RAP1GDS1: variants seen among roughly 807,000 people sequenced by gnomAD.
The protein encoded by RAP1GDS1 is Rap1 GTPase-GDP dissociation stimulator 1.
RAP1GDS1 carries 35 observed loss-of-function variants against 71.1 expected under a neutral mutation model. That is an observed-to-expected ratio of 0.49 (90% CI 0.38 to 0.65). The LOEUF is 0.65. RAP1GDS1 is among the 30% of genes least tolerant of loss of function. RAP1GDS1 has a pLI of 0.00. For missense variants in RAP1GDS1, 663 were observed against 706.1 expected, an observed-to-expected ratio of 0.94 and a Z score of 0.69; for synonymous variants, 229 against 243.1, an observed-to-expected ratio of 0.94 and a Z score of 0.54.
chr4:98,330,630 C>T (rs557262252), intron 2 of RAP1GDS1, among the ~76,000 whole-genome samples: 7 of 150,330 alleles, frequency 4.7e-5, no homozygotes, highest in South Asian at 2.1e-4. Context: ...GATGGGCGGC[C>T]GGGCAGAGAC....
At chr4:98,305,667 G>A (rs1729207866) in intron 2 of RAP1GDS1, among the ~76,000 whole-genome samples, 3 of 152,222 alleles carry the variant, frequency 2.0e-5, no homozygotes, top group African/African-American at 7.2e-5. Context: ...TTTGCCTTCC[G>A]ATATGCTCTG....
chr4:98,397,665 C>A (rs752929431), intron 6 of RAP1GDS1, among the ~76,000 whole-genome samples: 7 of 152,114 alleles, frequency 4.6e-5, no homozygotes, highest in Non-Finnish European at 8.8e-5. Context: ...TCACAGTCTT[C>A]AAAAGGCTTG....
In RAP1GDS1 at chr4:98,442,746, A is replaced by G. The variant is rs1472907863; in HGVS notation, c.*629A>G. ...AAGACTTTCTGAGGTTTCTGATTCC[A>G]TATTTAATTGACTATTATCAATAGC... On this transcript the variant is annotated 3_prime_UTR_variant, in exon 15 of 15. Transcript: ENST00000408927. 1.3e-5 allele frequency: 3 copies of G among 228,380 alleles called. No homozygotes were observed. Among genetic ancestry groups the G allele is most frequent in the Non-Finnish European group, 2.6e-5 (3 of 114,962 alleles). The allele number at this position is 228,380 out of a possible 1,614,324, so 14.1% of individuals were successfully genotyped here.
intron 2 of RAP1GDS1, among the ~76,000 whole-genome samples, chr4:98,334,450 C>T (rs904833539): frequency 2.0e-5 from 3 of 152,168 alleles, no homozygotes; most frequent in Non-Finnish European, 4.4e-5. Context: ...ATTGAATTTT[C>T]GGTAACAAGT....
At chr4:98,346,095 A>G (rs1234190269) in intron 3 of RAP1GDS1, among the ~76,000 whole-genome samples, 2 of 152,310 alleles carry the variant, frequency 1.3e-5, no homozygotes, top group African/African-American at 2.4e-5. Flanking sequence ...GGGCCCAACC[A>G]TCTGTTTTAA....
intron 12 of RAP1GDS1, among the ~76,000 whole-genome samples, chr4:98,421,954 T>C (rs1253103849): frequency 2.0e-5 from 3 of 151,964 alleles, no homozygotes; most frequent in African/African-American, 7.2e-5. Flanking sequence ...TCCCAGCACT[T>C]TGGGAGACTG....
intron 1 of RAP1GDS1, among the ~76,000 whole-genome samples, chr4:98,289,557 A>G (rs1465829912): frequency 1.3e-4 from 15 of 119,674 alleles, no homozygotes; most frequent in Non-Finnish European, 2.0e-4. Context: ...TGGTAAACAA[A>G]AAAAAAAAAA....
chr4:98,334,690 C>A (rs937635831), intron 2 of RAP1GDS1, among the ~76,000 whole-genome samples: 1 of 152,040 alleles, frequency 6.6e-6, no homozygotes, highest in Admixed American at 6.5e-5. Context: ...GACTATGAAT[C>A]CTTCAGTTAA....
rs184940781 is a variant in RAP1GDS1 at position 98,288,262 on chromosome 4, A to G, written c.5-5146A>G. 5.9e-3 allele frequency among the ~76,000 whole-genome samples: 902 copies of G among 152,166 alleles called. 10 individuals carry two copies. The highest frequency in any genetic ancestry group is 0.021 in the African/African-American group (866 of 41,526). ...TGTTCTCAGTGTTCAGTTCCCACCT[A>G]TGAGTGAGAACATGCGGTGTTTGGT... On this transcript the variant is annotated intron_variant, in intron 1 of 14. Coordinates refer to ENST00000408927, the MANE Select transcript of RAP1GDS1 (RefSeq NM_001100427.2).
At chr4:98,416,722 A>G in intron 7 of RAP1GDS1, 23 bp from the exon 8 acceptor site, 3 of 1,568,934 alleles carry the variant, frequency 1.9e-6, no homozygotes, top group Non-Finnish European at 2.6e-6. Context: ...AAGTTTGATT[A>G]TTTTGTTCAC....
intron 12 of RAP1GDS1, 150 bp downstream of exon 12, chr4:98,421,544 C>G: frequency 2.4e-6 from 2 of 842,278 alleles, no homozygotes; most frequent in Non-Finnish European, 3.2e-6. Flanking sequence ...TTAGCTGATA[C>G]ATGGGATATA....
chr4:98,436,122 G>A (rs892397177), intron 13 of RAP1GDS1, among the ~76,000 whole-genome samples: 23 of 151,874 alleles, frequency 1.5e-4, no homozygotes, highest in African/African-American at 5.6e-4. Context: ...CGAGGTTTAG[G>A]TTAGGGTTCA....
At chr4:98,408,441 A>G (rs543453441) in intron 7 of RAP1GDS1, among the ~76,000 whole-genome samples, 1 of 152,238 alleles carries the variant, frequency 6.6e-6, no homozygotes, top group Middle Eastern at 3.4e-3. Flanking sequence ...CCTGATGCCA[A>G]TATATTTTAA....
Position 98,324,432 on chromosome 4 carries a change from T to C in RAP1GDS1, c.113-18707T>C, listed in dbSNP as rs569940358. 4.0e-5 allele frequency among the ~76,000 whole-genome samples: 6 copies of C among 151,886 alleles called. No homozygotes were observed. In the South Asian group the frequency reaches 1.0e-3, roughly 26 times the overall value. On this transcript the variant is annotated intron_variant, in intron 2 of 14. Coordinates refer to ENST00000408927, the MANE Select transcript of RAP1GDS1 (RefSeq NM_001100427.2). ...TTGGAAAAAACTACTTTAAAGTTCA[T>C]ATGGAACCAAGAAAGAGCCCGCATC...
At chr4:98,292,604 T>C (rs984394911) in intron 1 of RAP1GDS1, among the ~76,000 whole-genome samples, 1 of 152,126 alleles carries the variant, frequency 6.6e-6, no homozygotes, top group Non-Finnish European at 1.5e-5. Context: ...TCTTGCTAAA[T>C]TTTTTTGTTA....
chr4:98,374,541 C>A (rs1322868803), intron 4 of RAP1GDS1, among the ~76,000 whole-genome samples: 1 of 152,014 alleles, frequency 6.6e-6, no homozygotes, highest in Non-Finnish European at 1.5e-5. Flanking sequence ...TGCATCTCAA[C>A]TTTTTATTGC....
chr4:98,391,803 A>T (rs966173847), intron 5 of RAP1GDS1, 149 bp from the exon 6 acceptor site: 4 of 767,542 alleles, frequency 5.2e-6, no homozygotes, highest in African/African-American at 1.8e-5. Context: ...GTTCAACACA[A>T]TCATATGAAT....
chr4:98,317,409 T>G (rs1731096043), intron 2 of RAP1GDS1, among the ~76,000 whole-genome samples: 1 of 152,160 alleles, frequency 6.6e-6, no homozygotes, highest in South Asian at 2.1e-4. Flanking sequence ...ACAAAGAACA[T>G]TATATGTTTT....
Position 98,442,539 on chromosome 4 carries a change from A to G in RAP1GDS1, c.*422A>G, listed in dbSNP as rs777922746. The G allele has an allele frequency of 3.5e-5, 8 of 228,642 alleles. No homozygotes were observed. The highest frequency in any genetic ancestry group is 6.1e-5 in the Non-Finnish European group (7 of 115,098). The allele number at this position is 228,642 out of a possible 1,614,324, so 14.2% of individuals were successfully genotyped here. On this transcript the variant is annotated 3_prime_UTR_variant, in exon 15 of 15. Coordinates refer to ENST00000408927, the MANE Select transcript of RAP1GDS1 (RefSeq NM_001100427.2). The stretch of plus-strand genomic sequence containing the variant: ...GAAACTGAATTGGAAAAATAGCTCC[A>G]TTTTTTGGTGCTTGGGAAGCACAGT...
Sources: gnomAD v4.1 joint callset for allele counts (sites outside exome capture counted in the v4.1 genomes callset) on GRCh38, gnomAD v4.1.1 for gene constraint, MANE v1.5 for transcripts, NCBI Gene and HGNC (gene_info 2026-07-23, HGNC 2026-07-21) for gene names.